The following PSG8 variants were observed in gnomAD, a reference collection of about 807,000 sequenced individuals.
The protein encoded by PSG8 is pregnancy-specific beta-1-glycoprotein 8.
PSG8 carries 57 observed loss-of-function variants against 42.5 expected under a neutral mutation model. That is an observed-to-expected ratio of 1.34 (90% CI 1.08 to 1.67). PSG8 has a LOEUF of 1.67. Ranked by LOEUF, PSG8 falls within the 40% of genes most tolerant of loss-of-function variation. The pLI is 0.00. For missense variants in PSG8, 783 were observed against 518.6 expected (o/e 1.51, Z -4.95); for synonymous variants, 280 against 196.8 (o/e 1.42, Z -3.54).
intron 3 of PSG8, chr19:42,756,263 G>A (rs1969924021): frequency 6.6e-6 from 1 of 152,168 alleles, no homozygotes; most frequent in African/African-American, 2.4e-5. Flanking sequence ...CATGTAAGTG[G>A]ATTCCAGAGT....
chr19:42,759,864 G>A (rs1335300081), intron 2 of PSG8, among the ~76,000 whole-genome samples: 1 of 152,144 alleles, frequency 6.6e-6, no homozygotes, highest in Non-Finnish European at 1.5e-5. Context: ...ATGAATTCCA[G>A]CAGGATCACA....
intron 3 of PSG8, among the ~76,000 whole-genome samples, chr19:42,756,527 A>G (rs1969931531): frequency 1.3e-5 from 2 of 152,148 alleles, no homozygotes; most frequent in African/African-American, 4.8e-5. Flanking sequence ...CCAAATCTGA[A>G]AGATTCAAAA....
intron 3 of PSG8, among the ~76,000 whole-genome samples, 173 bp downstream of exon 3, chr19:42,757,829 T>A (rs1479097774): frequency 6.6e-6 from 1 of 152,054 alleles, no homozygotes; most frequent in East Asian, 1.9e-4. Flanking sequence ...TCTCCTATTG[T>A]TGATCAAGCC....
At chr19:42,761,103 C>T (rs977745028) in intron 2 of PSG8, among the ~76,000 whole-genome samples, 8 of 152,094 alleles carry the variant, frequency 5.3e-5, no homozygotes, top group Admixed American at 2.0e-4. Context: ...CCTCTGACAC[C>T]CTGGTGAGTC....
Position 42,754,582 on chromosome 19 carries a change from G to T in PSG8, c.994C>A (p.Pro332Thr). 6.2e-7 allele frequency: 1 copy of T among 1,611,890 alleles called. No homozygotes were observed. Among genetic ancestry groups the T allele is most frequent in the Non-Finnish European group, 8.5e-7 (1 of 1,178,462 alleles). The change falls in exon 5 of 5, where the codon CCA becomes ACA. Residue 332 changes from proline (P) to threonine (T), a missense_variant. Coordinates refer to ENST00000306511, the MANE Select transcript of PSG8 (RefSeq NM_182707.3). ...GAAGGGTAAATTCTGGGGAGGTCTG[G>T]ACCATCTGGAGCAAAGAGAATAAAG... is the stretch of plus-strand genomic sequence containing the variant. Reference protein sequence around the residue: ...YPVTLNVLYGPDLPRIYPSFT... With the variant: ...YPVTLNVLYGTDLPRIYPSFT...
In PSG8 at chr19:42,765,588, T is replaced by G; in HGVS notation, c.-7A>C. ...GGGCTGAGAGGAGCCCCATGGTCTC[T>G]GCTGTCTGTGTGTTCTCCTCTGTGG... On this transcript the variant is annotated 5_prime_UTR_variant, in exon 1 of 5. Transcript: ENST00000306511. 6.2e-7 allele frequency: 1 copy of G among 1,610,318 alleles called. No homozygotes were observed. The highest frequency in any genetic ancestry group is 1.1e-5 in the South Asian group (1 of 91,030).
intron 3 of PSG8, among the ~76,000 whole-genome samples, chr19:42,757,666 C>T (rs1009246041): frequency 5.3e-5 from 8 of 152,106 alleles, no homozygotes; most frequent in African/African-American, 9.7e-5. Context: ...TGTGGAAGCA[C>T]CACAATCACA....
intron 3 of PSG8, among the ~76,000 whole-genome samples, chr19:42,757,442 G>T (rs1314082366): frequency 6.6e-5 from 10 of 151,976 alleles, no homozygotes; most frequent in African/African-American, 4.8e-5. Flanking sequence ...TGATTTGGGG[G>T]ATAAAGAACA....
At chr19:42,755,726 A>G (rs1235386974) in intron 3 of PSG8, 1 of 191,788 alleles carries the variant, frequency 5.2e-6, no homozygotes. Flanking sequence ...GGGACTACCC[A>G]TGGTCCTGAA....
At chr19:42,755,381 C>A (rs1600407164) in intron 3 of PSG8, 115 bp from the exon 4 acceptor site, 1 of 1,534,390 alleles carries the variant, frequency 6.5e-7, no homozygotes, top group East Asian at 2.3e-5. Flanking sequence ...TCCTTGAAAG[C>A]CAATAGCTGG....
downstream of PSG8, chr19:42,753,433 G>T: frequency 1.3e-6 from 1 of 775,100 alleles, no homozygotes. Context: ...TCTCATAACA[G>T]GTGTACTACA....
At chr19:42,764,999 G>C (rs750243127) in intron 1 of PSG8, among the ~76,000 whole-genome samples, 7 of 151,980 alleles carry the variant, frequency 4.6e-5, no homozygotes, top group Non-Finnish European at 8.8e-5. Context: ...AAATGTGGTG[G>C]CCCCTGATGA....
In PSG8 at chr19:42,764,268, G is replaced by A. The variant is rs1970158020; in HGVS notation, c.78C>T (p.Asn26=). Residue 26 remains asparagine, a synonymous_variant, in exon 2 of 5, where the codon AAC becomes AAT. Transcript: ENST00000306511. ...KGLLLTASLL[N]FWNPPTTAQV... ...GGGCAGTCGTGGGTGGGTTCCAGAA[G>A]TTTAAAAGTGATGCTAGGAGGTGGA... The A allele has an allele frequency of 6.2e-7, 1 of 1,613,066 alleles. No individual in the cohort carries two copies. The highest frequency in any genetic ancestry group is 8.5e-7 in the Non-Finnish European group (1 of 1,179,520).
intron 2 of PSG8, among the ~76,000 whole-genome samples, chr19:42,761,366 A>G (rs1041937262): frequency 6.6e-6 from 1 of 152,186 alleles, no homozygotes; most frequent in Non-Finnish European, 1.5e-5. Flanking sequence ...AGGGAACTGA[A>G]TTCTGCTAAA....
At chr19:42,758,499 G>C in intron 2 of PSG8, 3 of 1,032,758 alleles carry the variant, frequency 2.9e-6, no homozygotes, top group Non-Finnish European at 4.1e-6. Flanking sequence ...TCTCAAGTGT[G>C]AATTGAGCAG....
chr19:42,754,042 A>C (rs1234983211), downstream of PSG8: 3 of 1,002,758 alleles, frequency 3.0e-6, no homozygotes, highest in Non-Finnish European at 4.4e-6. Context: ...AAGAATCAGC[A>C]AATTTTCAAA....
chr19:42,753,993 A>G, downstream of PSG8: 1 of 708,288 alleles, frequency 1.4e-6, no homozygotes, highest in Middle Eastern at 2.8e-4. Flanking sequence ...GATAGGTTAA[A>G]AGAGAAAAAT....
Position 42,754,495 on chromosome 19 carries a change from G to C in PSG8, c.1081C>G (p.Pro361Ala). ...YLSCSADSNP[P>A]AQYSWTINGK... ...TTAATTGTCCAAGAATACTGTGCCG[G>C]TGGGTTAGAGTCCGCAGAACAGGAC... The change falls in exon 5 of 5, where the codon CCG becomes GCG. Residue 361 changes from proline to alanine, a missense_variant. Transcript: ENST00000306511. 6.2e-7 allele frequency: 1 copy of C among 1,613,900 alleles called. No homozygotes were observed. Among genetic ancestry groups the C allele is most frequent in the Admixed American group, 1.7e-5 (1 of 59,992 alleles).
chr19:42,763,760 C>G, intron 2 of PSG8, 156 bp downstream of exon 2: 1 of 1,404,430 alleles, frequency 7.1e-7, no homozygotes, highest in South Asian at 1.2e-5. Flanking sequence ...TGAAATTTGT[C>G]TCCTCTGTGT....
Sources: allele counts gnomAD v4.1 joint callset (sites outside exome capture counted in the v4.1 genomes callset), GRCh38; gene constraint gnomAD v4.1.1; transcripts MANE v1.5; gene names NCBI Gene and HGNC (gene_info 2026-07-23, HGNC 2026-07-21).